IGSF5: variants seen among roughly 807,000 people sequenced by gnomAD.
The protein encoded by IGSF5 is immunoglobulin superfamily 5 like.
In IGSF5, 41 loss-of-function variants were observed where a neutral mutation model predicts 39.4. The ratio of observed to expected loss-of-function variants is 1.04; its 90% CI spans 0.81 to 1.35. The LOEUF is 1.35. Ranked by LOEUF, IGSF5 falls within the 40% of genes most tolerant of loss-of-function variation. The probability of loss-of-function intolerance (pLI) is 0.00; values close to 1 mark genes in which losing one functional copy is unlikely to be tolerated. For missense variants in IGSF5, 487 were observed against 494.6 expected, an observed-to-expected ratio of 0.98 and a Z score of 0.15; for synonymous variants, 183 against 175.3, an observed-to-expected ratio of 1.04 and a Z score of -0.34.
At chr21:39,772,908 A>G (rs1051998706) in intron 4 of IGSF5, among the ~76,000 whole-genome samples, 12 of 152,210 alleles carry the variant, frequency 7.9e-5, no homozygotes, top group Non-Finnish European at 4.4e-5. Flanking sequence ...TTTATAATTA[A>G]TATGTAGCCA....
At chr21:39,783,088 C>T (rs7277040) in intron 5 of IGSF5, among the ~76,000 whole-genome samples, 71,093 of 151,938 alleles carry the variant, frequency 0.47, 17,034 homozygotes, top group Non-Finnish European at 0.51. Context: ...TATTCCATTG[C>T]GTACACGTGC....
chr21:39,746,327 C>T (rs1426013312), intron 2 of IGSF5, 29 bp downstream of exon 2: 1 of 700,148 alleles, frequency 1.4e-6, no homozygotes, highest in Non-Finnish European at 2.6e-6. Flanking sequence ...CGAGCCGTAA[C>T]AAACACGGAC....
intron 2 of IGSF5, among the ~76,000 whole-genome samples, chr21:39,758,659 A>G (rs1034298906): frequency 5.9e-5 from 9 of 152,132 alleles, no homozygotes; most frequent in African/African-American, 2.2e-4. Context: ...TGTGTGTGCA[A>G]GGCCTGGGTC....
At chr21:39,760,567 C>G (rs2080056021) in intron 2 of IGSF5, among the ~76,000 whole-genome samples, 1 of 137,526 alleles carries the variant, frequency 7.3e-6, no homozygotes, top group Non-Finnish European at 1.6e-5. Flanking sequence ...TGATGTGGGA[C>G]TAAGTCAGGT....
chr21:39,734,214 G>A, the IGSF5 span, among the ~76,000 whole-genome samples: 3 of 152,148 alleles, frequency 2.0e-5, no homozygotes, highest in Non-Finnish European at 4.4e-5. Context: ...CACGAGGTCA[G>A]GAGTTCGAGA....
chr21:39,757,579 C>CT (rs35315186), intron 2 of IGSF5, among the ~76,000 whole-genome samples: 1,494 of 130,704 alleles, frequency 0.011, 14 homozygotes, highest in South Asian at 0.038. Flanking sequence ...AATGTGCATT[C>CT]TTTTTTTTTT....
At chr21:39,786,344 A>G (rs1398740995) in intron 5 of IGSF5, among the ~76,000 whole-genome samples, 2 of 150,420 alleles carry the variant, frequency 1.3e-5, no homozygotes, top group Admixed American at 1.3e-4. Flanking sequence ...GCAGCCAAAA[A>G]ACACATGAAA....
the IGSF5 span, among the ~76,000 whole-genome samples, chr21:39,712,126 A>G: frequency 3.9e-5 from 6 of 152,122 alleles, no homozygotes; most frequent in African/African-American, 1.4e-4. Context: ...ACACAATACC[A>G]TGCCTTTGTT....
chr21:39,748,301 C>CATTTTTTTTTTTTT (rs2079985758), intron 2 of IGSF5, among the ~76,000 whole-genome samples: 1 of 58,216 alleles, frequency 1.7e-5, no homozygotes, highest in Non-Finnish European at 3.0e-5. Flanking sequence ...AAAACAAGAT[C>CATTTTTTTTTTTTT]TTTTTTTTTT....
rs557740610 is a variant in IGSF5, at chr21:39,745,921, G to C, written c.18-295G>C. Among the ~76,000 whole-genome samples, 8 of 151,776 alleles carry C rather than the reference G, an allele frequency of 5.3e-5. No homozygotes were observed. The South Asian group carries it at 1.7e-3, about 32-fold the overall frequency. On this transcript the variant is annotated intron_variant, in intron 1 of 8. Coordinates refer to ENST00000380588, the MANE Select transcript of IGSF5 (RefSeq NM_001080444.2). Reference sequence around the variant, plus strand: ...TGGTTGCCAAAATGTTACGGGGGGTGGGGGGTCCTTGCTCCCAGAGCTCCC... The same window carrying C: ...TGGTTGCCAAAATGTTACGGGGGGTCGGGGGTCCTTGCTCCCAGAGCTCCC...
the IGSF5 span, chr21:39,726,026 G>A: frequency 6.6e-6 from 1 of 152,194 alleles, no homozygotes; most frequent in African/African-American, 2.4e-5. Context: ...TGGTTGATGT[G>A]TGAAGTCTCT....
At chr21:39,743,705 C>T (rs117551134), upstream of IGSF5, among the ~76,000 whole-genome samples, 1,522 of 152,022 alleles carry the variant, frequency 0.01, 19 homozygotes, top group South Asian at 0.042. Context: ...TGCATAACTG[C>T]GAGTTGTCTC....
intron 4 of IGSF5, among the ~76,000 whole-genome samples, chr21:39,774,050 A>T (rs1257488281): frequency 6.6e-6 from 1 of 152,248 alleles, no homozygotes; most frequent in Admixed American, 6.5e-5. Flanking sequence ...AGCTGGAGGC[A>T]TGGCTGCTGG....
chr21:39,765,988 T>A, intron 3 of IGSF5, 136 bp downstream of exon 3: 2 of 780,436 alleles, frequency 2.6e-6, no homozygotes, highest in Non-Finnish European at 4.1e-6. Context: ...TATTCTGAAC[T>A]GATGAATGTT....
the IGSF5 span, among the ~76,000 whole-genome samples, chr21:39,714,592 C>T: frequency 6.6e-6 from 1 of 152,206 alleles, no homozygotes; most frequent in East Asian, 1.9e-4. Flanking sequence ...AAGAGGAGAT[C>T]TACTCCAGGC....
intron 2 of IGSF5, among the ~76,000 whole-genome samples, chr21:39,748,577 G>A (rs1056006617): frequency 1.3e-5 from 2 of 151,934 alleles, no homozygotes; most frequent in African/African-American, 4.8e-5. Flanking sequence ...TCAAGAGAAC[G>A]AGATCTTATA....
At chr21:39,796,851 A>G (rs1199365552) in intron 8 of IGSF5, among the ~76,000 whole-genome samples, 2 of 152,238 alleles carry the variant, frequency 1.3e-5, no homozygotes, top group African/African-American at 4.8e-5. Flanking sequence ...TGGGTCAGAA[A>G]AATGGCCTAT....
chr21:39,765,989 G>A, intron 3 of IGSF5, 137 bp downstream of exon 3: 2 of 780,858 alleles, frequency 2.6e-6, no homozygotes, highest in Non-Finnish European at 2.0e-6. Flanking sequence ...ATTCTGAACT[G>A]ATGAATGTTT....
chr21:39,772,444 G>C (rs1425463587), intron 4 of IGSF5, among the ~76,000 whole-genome samples: 1 of 152,174 alleles, frequency 6.6e-6, no homozygotes, highest in Non-Finnish European at 1.5e-5. Flanking sequence ...TTAAACAACA[G>C]AAATGGATTT....
Sources: gnomAD v4.1 joint callset for allele counts (sites outside exome capture counted in the v4.1 genomes callset) on GRCh38, gnomAD v4.1.1 for gene constraint, MANE v1.5 for transcripts, NCBI Gene and HGNC (gene_info 2026-07-23, HGNC 2026-07-21) for gene names.